The following NRXN1 variants were observed in gnomAD, a reference collection of about 807,000 sequenced individuals.
NRXN1 encodes the protein neurexin-1.
Under a neutral mutation model 150.9 loss-of-function variants are expected in NRXN1, and 39 were observed. That is an observed-to-expected ratio of 0.26 (90% CI 0.20 to 0.34). The LOEUF is 0.34. NRXN1 is among the 10% of genes least tolerant of loss of function. NRXN1 has a pLI of 1.00. For missense variants in NRXN1, 1,815 were observed against 1,949.9 expected, an observed-to-expected ratio of 0.93 and a Z score of 1.30; for synonymous variants, 924 against 757.0, an observed-to-expected ratio of 1.22 and a Z score of -3.62.
At chr2:50,526,085 A>G (rs1478416459) in intron 12 of NRXN1, among the ~76,000 whole-genome samples, 1 of 152,202 alleles carries the variant, frequency 6.6e-6, no homozygotes, top group Admixed American at 6.5e-5. Flanking sequence ...TTTTCCATAT[A>G]AAGTACAAAT....
intron 2 of NRXN1, among the ~76,000 whole-genome samples, chr2:50,966,329 A>G (rs1452167998): frequency 7.3e-5 from 11 of 150,354 alleles, no homozygotes; most frequent in Admixed American, 1.3e-4. Flanking sequence ...TTTTCCCCCA[A>G]TCCCAAAAGA....
chr2:50,021,330 T>C (rs1442085041), intron 21 of NRXN1, among the ~76,000 whole-genome samples: 1 of 152,190 alleles, frequency 6.6e-6, no homozygotes, highest in Non-Finnish European at 1.5e-5. Context: ...TATCTGAATG[T>C]GTACTACCTG....
At chr2:50,243,274 TAA>T (rs1316308326) in intron 17 of NRXN1, among the ~76,000 whole-genome samples, 3 of 151,698 alleles carry the variant, frequency 2.0e-5, no homozygotes, top group Non-Finnish European at 4.4e-5. Flanking sequence ...AACATCACTA[TAA>T]GTGTGTACAA....
chr2:50,728,545 C>G (rs952144788), intron 5 of NRXN1, among the ~76,000 whole-genome samples: 3 of 152,076 alleles, frequency 2.0e-5, no homozygotes, highest in Non-Finnish European at 4.4e-5. Context: ...ATTAGTGTAC[C>G]TTAATACATC....
intron 16 of NRXN1, among the ~76,000 whole-genome samples, chr2:50,469,443 C>T (rs1161172290): frequency 1.3e-5 from 2 of 151,554 alleles, no homozygotes; most frequent in Non-Finnish European, 3.0e-5. Flanking sequence ...AATGGAAACT[C>T]CTCACAAGAT....
At chr2:50,091,275 A>G in intron 19 of NRXN1, 48 bp downstream of exon 19, 1 of 1,603,214 alleles carries the variant, frequency 6.2e-7, no homozygotes, top group Non-Finnish European at 8.5e-7. Flanking sequence ...TTTTTCTTCC[A>G]GTTTGTTTTT....
intron 17 of NRXN1, among the ~76,000 whole-genome samples, chr2:50,295,383 A>G (rs2073440228): frequency 6.6e-6 from 1 of 152,174 alleles, no homozygotes; most frequent in Non-Finnish European, 1.5e-5. Context: ...ATTAGACAAT[A>G]TTGTTCATGT....
rs186974015 is a variant in NRXN1, at chr2:51,007,788, C to T, written c.772+19714G>A. The stretch of plus-strand genomic sequence containing the variant: ...ACATAGAGTAACAGTCTGTAGACAA[C>T]AGCAAATAATTATCTGGAATATTCC... On this transcript the variant is annotated intron_variant, in intron 2 of 22. Coordinates refer to ENST00000401669, the MANE Select transcript of NRXN1 (RefSeq NM_001330078.2). Among the ~76,000 whole-genome samples, 5 of 151,896 alleles carry T rather than the reference C, an allele frequency of 3.3e-5. No individual in the cohort carries two copies. In the East Asian group the frequency reaches 9.8e-4, roughly 30 times the overall value.
chr2:50,798,639 G>A (rs755233337), intron 5 of NRXN1, among the ~76,000 whole-genome samples: 2 of 152,082 alleles, frequency 1.3e-5, no homozygotes. Flanking sequence ...GAGGCTATAC[G>A]CTGATTGATA....
chr2:50,069,886 T>C (rs1474022054), intron 19 of NRXN1, among the ~76,000 whole-genome samples: 1 of 148,234 alleles, frequency 6.7e-6, no homozygotes, highest in African/African-American at 2.5e-5. Flanking sequence ...AGTCTCGCTC[T>C]GTCACCCAGG....
chr2:50,077,202 C>CT (rs1359033011), intron 19 of NRXN1, among the ~76,000 whole-genome samples: 1 of 152,136 alleles, frequency 6.6e-6, no homozygotes, highest in Non-Finnish European at 1.5e-5. Flanking sequence ...GACTGCATGT[C>CT]TAACTTATTG....
intron 18 of NRXN1, among the ~76,000 whole-genome samples, chr2:50,111,025 T>C (rs1702307389): frequency 6.6e-6 from 1 of 152,204 alleles, no homozygotes; most frequent in African/African-American, 2.4e-5. Context: ...TTTAAAACTT[T>C]AAGGTGCAAA....
intron 5 of NRXN1, among the ~76,000 whole-genome samples, chr2:50,811,187 T>A (rs1668164613): frequency 6.6e-6 from 1 of 152,212 alleles, no homozygotes; most frequent in Non-Finnish European, 1.5e-5. Context: ...TTTCTCTCAA[T>A]GACCGGCTAA....
chr2:50,870,061 G>T (rs573281067), intron 5 of NRXN1, among the ~76,000 whole-genome samples: 27 of 151,758 alleles, frequency 1.8e-4, no homozygotes, highest in African/African-American at 5.8e-4. Context: ...ATTGTAATTG[G>T]ATTCTCCAGA....
chr2:50,380,716 G>A (rs1463994945), intron 17 of NRXN1, among the ~76,000 whole-genome samples: 1 of 152,016 alleles, frequency 6.6e-6, no homozygotes, highest in Non-Finnish European at 1.5e-5. Flanking sequence ...TACAATAAGT[G>A]ATTGTTAGTA....
At chr2:50,978,103 A>G in intron 2 of NRXN1, among the ~76,000 whole-genome samples, 1 of 151,016 alleles carries the variant, frequency 6.6e-6, no homozygotes. Flanking sequence ...CATTTTAAAT[A>G]TTCTTTAACT....
intron 17 of NRXN1, among the ~76,000 whole-genome samples, chr2:50,293,078 T>C (rs761814495): frequency 1.7e-4 from 26 of 152,188 alleles, no homozygotes; most frequent in Non-Finnish European, 3.5e-4. Flanking sequence ...CCCAAGTCTT[T>C]CTGATTCTAC....
At chr2:50,568,981 G>C (rs1183961016) in intron 8 of NRXN1, among the ~76,000 whole-genome samples, 4 of 152,082 alleles carry the variant, frequency 2.6e-5, no homozygotes, top group African/African-American at 9.7e-5. Context: ...ATGGGATTCT[G>C]TCATTTGTAA....
intron 17 of NRXN1, among the ~76,000 whole-genome samples, chr2:50,366,734 C>T (rs2079609372): frequency 6.6e-6 from 1 of 151,948 alleles, no homozygotes; most frequent in Non-Finnish European, 1.5e-5. Flanking sequence ...GCTCTCAATG[C>T]AGAGTGAATG....
Sources: allele counts gnomAD v4.1 joint callset (sites outside exome capture counted in the v4.1 genomes callset), GRCh38; gene constraint gnomAD v4.1.1; transcripts MANE v1.5; gene names NCBI Gene and HGNC (gene_info 2026-07-23, HGNC 2026-07-21).